The following ARHGEF4 variants were observed in gnomAD, a reference collection of about 807,000 sequenced individuals.
ARHGEF4 encodes APC-stimulated guanine nucleotide exchange factor 1.
A neutral mutation model predicts 162.0 loss-of-function variants in ARHGEF4; 119 were observed. The ratio of observed to expected loss-of-function variants is 0.73; its 90% CI spans 0.63 to 0.86. The LOEUF (loss-of-function observed/expected upper bound fraction) is 0.86. Ranked by LOEUF, ARHGEF4 falls within the 40% of genes least tolerant of loss-of-function variation. The pLI, the probability that ARHGEF4 is intolerant of heterozygous loss-of-function variation, is 0.00. For missense variants in ARHGEF4, 2,488 were observed against 2,456.0 expected (o/e 1.01, Z -0.28); for synonymous variants, 1,014 against 979.9 (o/e 1.03, Z -0.65).
chr2:130,841,241 T>C (rs182110753), intron 1 of ARHGEF4, among the ~76,000 whole-genome samples: 3 of 152,180 alleles, frequency 2.0e-5, no homozygotes, highest in Admixed American at 1.3e-4. Flanking sequence ...ATTTTTTGTA[T>C]TTTTAGTAGA....
At chr2:131,015,276 C>T (rs772669796) in intron 4 of ARHGEF4, among the ~76,000 whole-genome samples, 4 of 152,108 alleles carry the variant, frequency 2.6e-5, no homozygotes, top group Non-Finnish European at 5.9e-5. Flanking sequence ...CAAAGCTCTC[C>T]AAATCTGAGG....
intron 2 of ARHGEF4, among the ~76,000 whole-genome samples, chr2:130,927,509 A>G (rs547199557): frequency 6.6e-6 from 1 of 152,302 alleles, no homozygotes; most frequent in South Asian, 2.1e-4. Flanking sequence ...TGAGGGAGAC[A>G]GGGGTGTGTT....
At position 130,953,075 on chromosome 2, in the gene ARHGEF4, C is replaced by CA. The variant is rs1035509665; in HGVS notation, c.3985+6449dup. Among the ~76,000 whole-genome samples the CA allele has an allele frequency of 4.8e-3, 721 of 150,680 alleles. 3 individuals carry two copies. The highest frequency in any genetic ancestry group is 0.015 in the African/African-American group (634 of 41,038). ...AATTACTTTAAAGTTCATATGGAAT[C>CA]AAAAAAAAAGCCCGCATTGCCAAGA... On this transcript the variant is annotated intron_variant, in intron 4 of 13. Transcript: ENST00000409359.
intron 1 of ARHGEF4, among the ~76,000 whole-genome samples, chr2:130,908,343 G>T (rs1353719776): frequency 6.6e-6 from 1 of 152,200 alleles, no homozygotes; most frequent in South Asian, 2.1e-4. Context: ...AGTTCTAAGA[G>T]CCTTTGGGCA....
chr2:130,991,567 C>G (rs990890840), intron 4 of ARHGEF4, among the ~76,000 whole-genome samples: 2 of 152,220 alleles, frequency 1.3e-5, no homozygotes, highest in African/African-American at 2.4e-5. Context: ...CGGCCCCGGG[C>G]AATGAGGGAA....
chr2:131,032,062 C>T (rs1465039926), intron 5 of ARHGEF4, among the ~76,000 whole-genome samples: 2 of 152,110 alleles, frequency 1.3e-5, no homozygotes, highest in African/African-American at 4.8e-5. Flanking sequence ...AGCAGCCTGT[C>T]CCCTGCCTCA....
chr2:130,976,349 C>CTTTG (rs1553434499), intron 4 of ARHGEF4, among the ~76,000 whole-genome samples: 1 of 147,984 alleles, frequency 6.8e-6, no homozygotes, highest in East Asian at 2.0e-4. Context: ...GTGTGTGTGT[C>CTTTG]TGTGTGTGTG....
At chr2:130,882,273 C>T (rs1458097838) in intron 1 of ARHGEF4, among the ~76,000 whole-genome samples, 4 of 152,012 alleles carry the variant, frequency 2.6e-5, no homozygotes, top group African/African-American at 9.7e-5. Flanking sequence ...AGGGCCTGTT[C>T]CTTCCTGTTT....
intron 1 of ARHGEF4, among the ~76,000 whole-genome samples, chr2:130,847,974 G>A (rs1199958648): frequency 6.6e-6 from 1 of 152,192 alleles, no homozygotes; most frequent in Non-Finnish European, 1.5e-5. Context: ...GTCTGTGGGC[G>A]AAGCTGACCT....
At chr2:130,985,848 T>G (rs924024441) in intron 4 of ARHGEF4, among the ~76,000 whole-genome samples, 1 of 151,932 alleles carries the variant, frequency 6.6e-6, no homozygotes, top group African/African-American at 2.4e-5. Context: ...GTGCATGGTG[T>G]GTTTTGTATA....
At chr2:130,921,426 G>A (rs1291976749) in intron 2 of ARHGEF4, among the ~76,000 whole-genome samples, 2 of 152,140 alleles carry the variant, frequency 1.3e-5, no homozygotes, top group Non-Finnish European at 2.9e-5. Context: ...CCTACTGCAC[G>A]TGCATGTATA....
At chr2:130,927,844 C>T (rs780238402) in intron 2 of ARHGEF4, among the ~76,000 whole-genome samples, 3 of 152,104 alleles carry the variant, frequency 2.0e-5, no homozygotes, top group Non-Finnish European at 4.4e-5. Flanking sequence ...AGGTTTTTAG[C>T]GGTGCTTAGT....
chr2:130,917,298 G>T lies in ARHGEF4; in HGVS notation c.3352G>T (p.Val1118Phe). 6.4e-7 allele frequency: 1 copy of T among 1,550,564 alleles called. No individual in the cohort carries two copies. Among genetic ancestry groups the T allele is most frequent in the African/African-American group, 1.4e-5 (1 of 73,166 alleles). The change falls in exon 2 of 14, where the codon GTT becomes TTT. Residue 1118 changes from valine to phenylalanine, a missense_variant. Val to Phe is a conservative substitution (Grantham distance 50). This residue lies in a region of ARHGEF4 where 1,642 missense variants were observed against 1,481.5 expected (regional missense o/e 1.11). Transcript: ENST00000409359. ...YPGRGSAISMVSLGSYSYVDS... is the reference protein window; with the variant it reads ...YPGRGSAISMFSLGSYSYVDS... ...CGGGAGGGGTAGCGCCATCTCCATG[G>T]TTTCTCTTGGAAGCTACAGCTACGT...
In ARHGEF4 at chr2:130,916,478, C is replaced by A. The variant is rs1052050221; in HGVS notation, c.2532C>A (p.Asp844Glu). The A allele has an allele frequency of 1.3e-6, 2 of 1,545,506 alleles. No individual in the cohort carries two copies. Among genetic ancestry groups the A allele is most frequent in the Non-Finnish European group, 1.7e-6 (2 of 1,146,428 alleles). The change falls in exon 2 of 14, where the codon GAC becomes GAA. Residue 844 changes from aspartate (D) to glutamate (E), a missense_variant. Physicochemically the swap from Asp to Glu is conservative, Grantham distance 45 (BLOSUM62 2). Around this residue, in one of 6 missense-constraint regions of ARHGEF4, gnomAD observed 1,642 missense variants for 1,481.5 expected, o/e 1.11. Transcript: ENST00000409359. ...RENPPAAAGR[D>E]APPLHHGDAS... ...ATCCGCCCGCTGCGGCCGGTCGGGACGCACCGCCTCTGCACCACGGGGACG... is the reference window on the plus strand; with the variant it reads ...ATCCGCCCGCTGCGGCCGGTCGGGAAGCACCGCCTCTGCACCACGGGGACG...
Position 130,945,463 on chromosome 2 carries a change from G to A in ARHGEF4, c.3859-1046G>A, listed in dbSNP as rs112544051. ...CCACCACTGCCATTACCATAATGAGGTTGCCTAGGGGAATAGGGTGGGAGA... is the reference window on the plus strand; with the variant it reads ...CCACCACTGCCATTACCATAATGAGATTGCCTAGGGGAATAGGGTGGGAGA... On this transcript the variant is annotated intron_variant, in intron 3 of 13. Transcript: ENST00000409359. Among the ~76,000 whole-genome samples, 344 of 152,184 alleles carry A rather than the reference G, an allele frequency of 2.3e-3. 2 individuals carry two copies. Among genetic ancestry groups the A allele is most frequent in the African/African-American group, 7.8e-3 (325 of 41,516 alleles).
chr2:130,996,035 G>A (rs1023785294), intron 4 of ARHGEF4, among the ~76,000 whole-genome samples: 5 of 151,862 alleles, frequency 3.3e-5, no homozygotes, highest in South Asian at 2.1e-4. Context: ...GATTACAGGC[G>A]CCCGCCACCA....
intron 4 of ARHGEF4, among the ~76,000 whole-genome samples, chr2:130,948,057 G>A (rs765189439): frequency 1.3e-5 from 2 of 152,226 alleles, no homozygotes; most frequent in South Asian, 2.1e-4. Flanking sequence ...AGGTCCTGTC[G>A]GTGCCGAAGA....
intron 1 of ARHGEF4, among the ~76,000 whole-genome samples, chr2:130,903,247 C>CTTTT (rs59665239): frequency 7.0e-6 from 1 of 143,738 alleles, no homozygotes; most frequent in Non-Finnish European, 1.5e-5. Context: ...TTTATCTTGA[C>CTTTT]TTTTTTTTTT....
intron 4 of ARHGEF4, among the ~76,000 whole-genome samples, chr2:131,016,981 A>G (rs866720965): frequency 3.7e-4 from 57 of 152,232 alleles, no homozygotes; most frequent in African/African-American, 1.4e-3. Flanking sequence ...CTGAGCATTT[A>G]TCTAGAATCT....
Sources: gnomAD v4.1 joint callset for allele counts (sites outside exome capture counted in the v4.1 genomes callset) on GRCh38, gnomAD v4.1.1 for gene constraint, gnomAD v4.1.1 regional missense constraint, MANE v1.5 for transcripts, NCBI Gene and HGNC (gene_info 2026-07-23, HGNC 2026-07-21) for gene names.